The following E2F8 variants were observed in gnomAD, a reference collection of about 807,000 sequenced individuals.
The protein encoded by E2F8 is transcription factor E2F8.
A neutral mutation model predicts 80.8 loss-of-function variants in E2F8; 35 were observed. The ratio of observed to expected loss-of-function variants is 0.43; its 90% CI spans 0.33 to 0.57. E2F8 has a LOEUF of 0.57. E2F8 is among the 20% of genes least tolerant of loss of function. The probability of loss-of-function intolerance (pLI) is 0.04; values close to 1 mark genes in which losing one functional copy is unlikely to be tolerated. For synonymous variants in E2F8, 386 were observed against 395.0 expected, an observed-to-expected ratio of 0.98 and a Z score of 0.27; for missense variants, 975 against 1,056.2, an observed-to-expected ratio of 0.92 and a Z score of 1.07.
At chr11:19,228,846 A>T (rs1851299808) in intron 10 of E2F8, among the ~76,000 whole-genome samples, 1 of 152,234 alleles carries the variant, frequency 6.6e-6, no homozygotes. Flanking sequence ...ATAAATATTA[A>T]TTCCCTCCGG....
rs754622350 is a variant in E2F8, at chr11:19,237,490, C to T, written c.295-20G>A. On this transcript the variant is annotated intron_variant, in intron 3 of 12. Transcript: ENST00000250024. ...GTGTTCCTACAAAGGAAAAGGTAAA[C>T]AATGTCTTATTCTAAAATAAAGTCT... is the stretch of plus-strand genomic sequence containing the variant. The T allele has an allele frequency of 6.2e-7, 1 of 1,607,770 alleles. No individual in the cohort carries two copies. The highest frequency in any genetic ancestry group is 8.5e-7 in the Non-Finnish European group (1 of 1,177,392).
chr11:19,234,563 G>A, intron 5 of E2F8, 42 bp from the exon 6 acceptor site: 2 of 1,600,650 alleles, frequency 1.2e-6, no homozygotes, highest in Middle Eastern at 1.7e-4. Flanking sequence ...AATTCATAAA[G>A]GGACAAGTGA....
At chr11:19,230,090 G>T in intron 9 of E2F8, 102 bp from the exon 10 acceptor site, 1 of 1,533,190 alleles carries the variant, frequency 6.5e-7, no homozygotes, top group Non-Finnish European at 8.9e-7. Context: ...TATGGAACAT[G>T]CAGATAATTT....
chr11:19,240,089 A>C lies in E2F8; in HGVS notation c.15+18T>G, dbSNP rs1293402099. 6.6e-7 allele frequency: 1 copy of C among 1,522,636 alleles called. No homozygotes were observed. Among genetic ancestry groups the C allele is most frequent in the Admixed American group, 2.1e-5 (1 of 48,356 alleles). 94.3% of individuals were successfully genotyped at this position (1,522,636 alleles called of 1,614,324 possible). On this transcript the variant is annotated intron_variant, in intron 2 of 12. Transcript: ENST00000250024. ...TGAATTTAAAATTGCAATGATGAATACTGAAGTTATAAAGTACCTTTTCGT... is the reference window on the plus strand; with the variant it reads ...TGAATTTAAAATTGCAATGATGAATCCTGAAGTTATAAAGTACCTTTTCGT...
At chr11:19,230,967 G>C (rs1443117427) in intron 7 of E2F8, 133 bp from the exon 8 acceptor site, 1 of 719,994 alleles carries the variant, frequency 1.4e-6, no homozygotes, top group Non-Finnish European at 2.3e-6. Flanking sequence ...TGTTCTAAGG[G>C]CTTTACAGAG....
At chr11:19,231,685 G>C (rs1423938115) in intron 7 of E2F8, among the ~76,000 whole-genome samples, 1 of 152,204 alleles carries the variant, frequency 6.6e-6, no homozygotes. Context: ...TGTGGTCACT[G>C]TGCCGCATAG....
chr11:19,237,925 G>A lies in E2F8; in HGVS notation c.223C>T (p.Arg75Cys), dbSNP rs1292589519. 7 of 1,613,878 alleles carry A rather than the reference G, an allele frequency of 4.3e-6. No individual in the cohort carries two copies. Among genetic ancestry groups the A allele is most frequent in the African/African-American group, 1.3e-5 (1 of 74,902 alleles). ...MLISAVSPEI[R>C]NRDQKRGLFD... ...AAACCCCTTTTCTGATCTCTGTTGC[G>A]GATCTCAGGGCTCACAGCACTGATG... Residue 75 changes from arginine (R) to cysteine (C), a missense_variant, in exon 3 of 13, where the codon CGC (arginine) becomes TGC (cysteine). Physicochemically the swap from Arg to Cys is radical, Grantham distance 180. Transcript: ENST00000250024.
chr11:19,228,442 C>G (rs945617538), intron 10 of E2F8, among the ~76,000 whole-genome samples: 2 of 152,180 alleles, frequency 1.3e-5, no homozygotes. Context: ...AGGATCAAAC[C>G]CTTTTATGTG....
rs1851310874 is a variant in E2F8, at chr11:19,229,383, A to G, written c.1893+71T>C. 1 of 1,524,110 alleles carries G rather than the reference A, an allele frequency of 6.6e-7. No homozygotes were observed. Among genetic ancestry groups the G allele is most frequent in the Non-Finnish European group, 8.8e-7 (1 of 1,137,680 alleles). 94.4% of individuals were successfully genotyped at this position (1,524,110 alleles called of 1,614,324 possible). On this transcript the variant is annotated intron_variant, in intron 10 of 12. Transcript: ENST00000250024. This position sits in a 1 kb window ranked among gnomAD's most constrained non-coding sequence, Gnocchi z 4.3. ...GAGAGAATGCTCTTCGGTAAATTTCACAAGCCACCAATCTTCCTGTAATAG... is the reference window on the plus strand; with the variant it reads ...GAGAGAATGCTCTTCGGTAAATTTCGCAAGCCACCAATCTTCCTGTAATAG...
chr11:19,230,768 C>T lies in E2F8; in HGVS notation c.1133G>A (p.Cys378Tyr), dbSNP rs1298657704. The T allele has an allele frequency of 6.2e-7, 1 of 1,614,176 alleles. No homozygotes were observed. The highest frequency in any genetic ancestry group is 8.5e-7 in the Non-Finnish European group (1 of 1,180,026). ...LEVRRSSKEN[C>Y]AKNLFSTRGK... ...ACGTGTGGAAAAGAGGTTTTTGGCA[C>T]AGTTCTCTTTTGAAGACCGTCTCAC... Residue 378 changes from cysteine (C) to tyrosine (Y), a missense_variant, in exon 8 of 13, where the codon TGT (cysteine) becomes TAT (tyrosine). Transcript: ENST00000250024.
At chr11:19,231,024 C>T (rs892884886) in intron 7 of E2F8, among the ~76,000 whole-genome samples, 190 bp from the exon 8 acceptor site, 1 of 152,208 alleles carries the variant, frequency 6.6e-6, no homozygotes, top group African/African-American at 2.4e-5. Flanking sequence ...ACAATATTTC[C>T]TACATTAGCA....
In E2F8 at chr11:19,230,731, G is replaced by A. The variant is rs780774281; in HGVS notation, c.1170C>T (p.Asn390=). Residue 390 remains asparagine, a synonymous_variant, in exon 8 of 13, where the codon AAC becomes AAT. Coordinates refer to ENST00000250024, the MANE Select transcript of E2F8 (RefSeq NM_024680.4). ...TGATAAGAGATGGGTGTCGAGTAAA[G>A]TTTGGTTTCCCACGTGTGGAAAAGA... ...KNLFSTRGKP[N]FTRHPSLIKL... 78 of 1,614,078 alleles carry A rather than the reference G, an allele frequency of 4.8e-5. No individual in the cohort carries two copies. Among genetic ancestry groups the A allele is most frequent in the Non-Finnish European group, 5.7e-5 (67 of 1,180,042 alleles).
In E2F8 at chr11:19,224,619, C is replaced by G. The variant is rs1430468496; in HGVS notation, c.*39G>C. The G allele has an allele frequency of 3.1e-6, 5 of 1,600,916 alleles. No homozygotes were observed. Among genetic ancestry groups the G allele is most frequent in the Non-Finnish European group, 4.3e-6 (5 of 1,170,256 alleles). The stretch of plus-strand genomic sequence containing the variant: ...GTCTGTGTACATTTTCTCTATTAAA[C>G]AACTCTTTAGAAAATTAAACTAAGC... On this transcript the variant is annotated 3_prime_UTR_variant, in exon 13 of 13. Coordinates refer to ENST00000250024, the MANE Select transcript of E2F8 (RefSeq NM_024680.4).
In E2F8 at chr11:19,234,105, G is replaced by A. The variant is rs1009674470; in HGVS notation, c.928+255C>T. ...AGATGTTGCAGTGAGCCTAGATCTCGCCACTGCACTCCAGCCTAGCAAAAG... is the reference window on the plus strand; with the variant it reads ...AGATGTTGCAGTGAGCCTAGATCTCACCACTGCACTCCAGCCTAGCAAAAG... On this transcript the variant is annotated intron_variant, in intron 6 of 12. Transcript: ENST00000250024. Among the ~76,000 whole-genome samples the A allele has an allele frequency of 8.2e-5, 11 of 134,100 alleles. No homozygotes were observed. In the South Asian group the frequency reaches 1.2e-3, roughly 14 times the overall value. 88.0% of individuals were successfully genotyped at this position (134,100 alleles called of 152,430 possible).
Position 19,231,467 on chromosome 11 carries a change from C to T in E2F8, c.1067-633G>A, listed in dbSNP as rs184328465. Among the ~76,000 whole-genome samples, 111 of 152,298 alleles carry T rather than the reference C, an allele frequency of 7.3e-4. No individual in the cohort carries two copies. The Middle Eastern group carries it at 0.014, about 19-fold the overall frequency. On this transcript the variant is annotated intron_variant, in intron 7 of 12. Coordinates refer to ENST00000250024, the MANE Select transcript of E2F8 (RefSeq NM_024680.4). ...CTCGAAGAAGTAGCTTGTCTCAGGC[C>T]GCAAAGCCAGAGTGGCAGGGCTTGG...
intron 6 of E2F8, among the ~76,000 whole-genome samples, chr11:19,232,586 A>G (rs1000063120): frequency 6.6e-5 from 10 of 151,252 alleles, no homozygotes; most frequent in Non-Finnish European, 1.3e-4. Flanking sequence ...CTAGTACTCA[A>G]TGTTGAAATG....
intron 8 of E2F8, 82 bp from the exon 9 acceptor site, chr11:19,230,410 G>A (rs1464771835): frequency 7.1e-7 from 1 of 1,413,154 alleles, no homozygotes; most frequent in Non-Finnish European, 9.8e-7. Context: ...TGAAGTCAGA[G>A]GAACAGAAAG....
At position 19,229,501 on chromosome 11, in the gene E2F8, T is replaced by G. The variant is rs1851314947; in HGVS notation, c.1846A>C (p.Lys616Gln). 1 of 1,613,986 alleles carries G rather than the reference T, an allele frequency of 6.2e-7. No homozygotes were observed. The highest frequency in any genetic ancestry group is 1.1e-5 in the South Asian group (1 of 91,074). ...RASMLEDSGSKKKFKEDLKGL... is the reference protein window; with the variant it reads ...RASMLEDSGSQKKFKEDLKGL... ...TTTAGGTCCTCTTTAAATTTCTTTT[T>G]GGAACCACTGTCCTCGAGCATGCTT... is the stretch of plus-strand genomic sequence containing the variant. Residue 616 changes from lysine to glutamine, a missense_variant, in exon 10 of 13, where the codon AAA becomes CAA. Coordinates refer to ENST00000250024, the MANE Select transcript of E2F8 (RefSeq NM_024680.4). This position sits in a 1 kb window ranked among gnomAD's most constrained non-coding sequence, Gnocchi z 4.3.
At position 19,224,402 on chromosome 11, in the gene E2F8, T is replaced by C; in HGVS notation, c.*256A>G. 2.9e-6 allele frequency: 1 copy of C among 341,472 alleles called. No homozygotes were observed. The highest frequency in any genetic ancestry group is 5.3e-6 in the Non-Finnish European group (1 of 189,018). The allele number at this position is 341,472 out of a possible 1,614,324, so 21.2% of individuals were successfully genotyped here. ...ATTTTTCCCCCTAGAAGTTAATATATCTTAGAGTTCAACATTTTACTTTTA... is the reference window on the plus strand; with the variant it reads ...ATTTTTCCCCCTAGAAGTTAATATACCTTAGAGTTCAACATTTTACTTTTA... On this transcript the variant is annotated 3_prime_UTR_variant, in exon 13 of 13. Coordinates refer to ENST00000250024, the MANE Select transcript of E2F8 (RefSeq NM_024680.4).
Sources: gnomAD v4.1 joint callset for allele counts (sites outside exome capture counted in the v4.1 genomes callset) on GRCh38, gnomAD v4.1.1 for gene constraint, Gnocchi (gnomAD v3.1) non-coding constraint, MANE v1.5 for transcripts, NCBI Gene and HGNC (gene_info 2026-07-23, HGNC 2026-07-21) for gene names.